Variants in PPFIA1 observed in about 807,000 individuals in gnomAD.
The protein encoded by PPFIA1 is PPFI scaffold protein A1.
Under a neutral mutation model 149.9 loss-of-function variants are expected in PPFIA1, and 25 were observed. The observed-to-expected ratio is 0.17, with a 90% CI of 0.12 to 0.23. PPFIA1 has a LOEUF of 0.23. Ranked by LOEUF, PPFIA1 falls within the 10% of genes least tolerant of loss-of-function variation. The pLI is 1.00. For synonymous variants in PPFIA1, 549 were observed against 552.8 expected, an observed-to-expected ratio of 0.99 and a Z score of 0.10; for missense variants, 1,362 against 1,506.5, an observed-to-expected ratio of 0.90 and a Z score of 1.59.
intron 21 of PPFIA1, chr11:70,371,488 A>ATAT (rs1565460431): frequency 1.3e-5 from 2 of 155,024 alleles, no homozygotes; most frequent in South Asian, 2.1e-4. Context: ...GGCGTGTTCT[A>ATAT]TCTTCTGTTG....
intron 16 of PPFIA1, among the ~76,000 whole-genome samples, chr11:70,353,572 A>C (rs1344081745): frequency 6.6e-6 from 1 of 152,220 alleles, no homozygotes; most frequent in Admixed American, 6.5e-5. Flanking sequence ...CCCTCAGCAC[A>C]TGGGCGTATT....
At chr11:70,343,642 A>C in intron 14 of PPFIA1, 27 bp from the exon 15 acceptor site, 1 of 1,580,176 alleles carries the variant, frequency 6.3e-7, no homozygotes, top group African/African-American at 1.3e-5. Flanking sequence ...TACTTTATCT[A>C]CTGAGATTTG....
intron 2 of PPFIA1, among the ~76,000 whole-genome samples, chr11:70,315,163 T>C (rs1412132339): frequency 6.6e-6 from 1 of 152,234 alleles, no homozygotes; most frequent in African/African-American, 2.4e-5. Flanking sequence ...TCAGATATAT[T>C]GGAACTTTAA....
chr11:70,304,947 G>C (rs141425894), intron 2 of PPFIA1, among the ~76,000 whole-genome samples: 288 of 152,214 alleles, frequency 1.9e-3, no homozygotes, highest in African/African-American at 6.5e-3. Flanking sequence ...CAAGTTCAAG[G>C]TGCCTGAGAC....
intron 26 of PPFIA1, 121 bp from the exon 27 acceptor site, chr11:70,381,967 A>G (rs2057730957): frequency 1.3e-6 from 1 of 798,212 alleles, no homozygotes; most frequent in Non-Finnish European, 2.0e-6. Flanking sequence ...AGCTCCCCTC[A>G]GGTCCCTCCG....
chr11:70,308,275 C>T (rs1025645728), intron 2 of PPFIA1, among the ~76,000 whole-genome samples: 11 of 152,124 alleles, frequency 7.2e-5, no homozygotes, highest in Non-Finnish European at 1.0e-4. Context: ...CTCAAACTCC[C>T]GACCTCAAGT....
chr11:70,367,334 C>G lies in PPFIA1; in HGVS notation c.2865+4846C>G, dbSNP rs574550549. On this transcript the variant is annotated intron_variant, in intron 21 of 27. Coordinates refer to ENST00000253925, the MANE Select transcript of PPFIA1 (RefSeq NM_003626.5). ...AACCAGGGAGAACTTTGAGCTGCGCCGAGAGACTAGGGGAGGAAGACATCA... is the reference window on the plus strand; with the variant it reads ...AACCAGGGAGAACTTTGAGCTGCGCGGAGAGACTAGGGGAGGAAGACATCA... 1.6e-4 allele frequency among the ~76,000 whole-genome samples: 24 copies of G among 152,266 alleles called. No homozygotes were observed. In the South Asian group the frequency reaches 5.0e-3, roughly 32 times the overall value.
In PPFIA1 at chr11:70,330,235, T is replaced by A; in HGVS notation, c.993T>A (p.Ala331=). 1 of 1,603,644 alleles carries A rather than the reference T, an allele frequency of 6.2e-7. No homozygotes were observed. The highest frequency in any genetic ancestry group is 8.5e-7 in the Non-Finnish European group (1 of 1,176,240). The change falls in exon 8 of 28, where the codon GCT becomes GCA. Residue 331 remains alanine, a synonymous_variant. Transcript: ENST00000253925. Reference sequence around the variant, plus strand: ...CTACTCTTGAAAAACGCTACCTCGCTGCACAGCGTGAAGCCACATCTGTGC... The same window carrying A: ...CTACTCTTGAAAAACGCTACCTCGCAGCACAGCGTGAAGCCACATCTGTGC... ...RITTLEKRYL[A]AQREATSVHD... is the part of the protein sequence containing the mutation.
Position 70,376,512 on chromosome 11 carries a change from T to G in PPFIA1, c.3316-20T>G. 6.2e-7 allele frequency: 1 copy of G among 1,605,136 alleles called. No homozygotes were observed. Among genetic ancestry groups the G allele is most frequent in the Non-Finnish European group, 8.5e-7 (1 of 1,172,082 alleles). ...TTAGATTTGATGAAAGTTTTATTTG[T>G]TTTTCTTTGGTTATTTCAGGCTCGT... On this transcript the variant is annotated intron_variant, in intron 24 of 27. Coordinates refer to ENST00000253925, the MANE Select transcript of PPFIA1 (RefSeq NM_003626.5).
chr11:70,364,368 G>C (rs2135264062), intron 21 of PPFIA1: 1 of 152,248 alleles, frequency 6.6e-6, no homozygotes, highest in Non-Finnish European at 1.5e-5. Context: ...ATGGTTATTG[G>C]GAGATAAGGG....
intron 2 of PPFIA1, among the ~76,000 whole-genome samples, chr11:70,277,129 T>G (rs1287246617): frequency 6.8e-6 from 1 of 146,848 alleles, no homozygotes; most frequent in African/African-American, 2.5e-5. Context: ...TGAACTGGAT[T>G]TAACTCCCTC....
chr11:70,288,148 A>T (rs908553220), intron 2 of PPFIA1, among the ~76,000 whole-genome samples: 7 of 148,586 alleles, frequency 4.7e-5, no homozygotes, highest in African/African-American at 1.7e-4. Context: ...AATCTGGCTC[A>T]CTGCAACCTC....
intron 2 of PPFIA1, among the ~76,000 whole-genome samples, chr11:70,304,326 G>C (rs945025776): frequency 6.6e-6 from 1 of 151,630 alleles, no homozygotes; most frequent in Non-Finnish European, 1.5e-5. Flanking sequence ...GGTCCTTTGT[G>C]ATAGCCTTTA....
chr11:70,306,619 C>CTT (rs2052871570), intron 2 of PPFIA1, among the ~76,000 whole-genome samples: 1 of 152,188 alleles, frequency 6.6e-6, no homozygotes, highest in South Asian at 2.1e-4. Flanking sequence ...GATGTGTGTA[C>CTT]TTTCTGATAA....
chr11:70,287,753 C>T (rs2051246014), intron 2 of PPFIA1, among the ~76,000 whole-genome samples: 1 of 151,994 alleles, frequency 6.6e-6, no homozygotes, highest in South Asian at 2.1e-4. Context: ...AGGCAGTCCT[C>T]CCACTTCAGC....
At chr11:70,366,894 T>C (rs2056969235) in intron 21 of PPFIA1, among the ~76,000 whole-genome samples, 1 of 152,170 alleles carries the variant, frequency 6.6e-6, no homozygotes, top group Non-Finnish European at 1.5e-5. Flanking sequence ...AGCTATAATG[T>C]GATTCTGTGG....
chr11:70,307,295 A>G (rs912839882), intron 2 of PPFIA1, among the ~76,000 whole-genome samples: 1 of 152,236 alleles, frequency 6.6e-6, no homozygotes, highest in African/African-American at 2.4e-5. Context: ...TTGTAATCGC[A>G]AAAGATTGGA....
At chr11:70,377,119 C>CTTT (rs1371588440) in intron 25 of PPFIA1, among the ~76,000 whole-genome samples, 1 of 151,754 alleles carries the variant, frequency 6.6e-6, no homozygotes, top group East Asian at 1.9e-4. Context: ...AAAAGTAATA[C>CTTT]CTTCAAGAAG....
chr11:70,305,143 G>A (rs1294767379), intron 2 of PPFIA1, among the ~76,000 whole-genome samples: 1 of 152,196 alleles, frequency 6.6e-6, no homozygotes, highest in Non-Finnish European at 1.5e-5. Context: ...AGGCAAGGAT[G>A]TGGCAGTGCC....
Sources: gnomAD v4.1 joint callset for allele counts (sites outside exome capture counted in the v4.1 genomes callset) on GRCh38, gnomAD v4.1.1 for gene constraint, MANE v1.5 for transcripts, NCBI Gene and HGNC (gene_info 2026-07-23, HGNC 2026-07-21) for gene names.